The following TCF20 variants were observed in gnomAD, a reference collection of about 807,000 sequenced individuals.
The protein encoded by TCF20 is transcription factor 20, also known as SPRE-binding protein.
TCF20 carries 3 observed loss-of-function variants against 148.6 expected under a neutral mutation model. The observed-to-expected ratio is 0.02, with a 90% CI of 0.01 to 0.05. The LOEUF is 0.05. Ranked by LOEUF, TCF20 falls within the 10% of genes least tolerant of loss-of-function variation. The pLI is 1.00. For missense variants in TCF20, 2,350 were observed against 2,429.3 expected, an observed-to-expected ratio of 0.97 and a Z score of 0.69; for synonymous variants, 1,049 against 909.5, an observed-to-expected ratio of 1.15 and a Z score of -2.76.
chr22:42,284,419 C>T (rs1320631415), upstream of TCF20, among the ~76,000 whole-genome samples: 1 of 152,194 alleles, frequency 6.6e-6, no homozygotes, highest in African/African-American at 2.4e-5. Flanking sequence ...GGGATTTGCA[C>T]CCAGCACCTT....
chr22:42,165,520 G>C (rs189038773), intron 5 of TCF20, among the ~76,000 whole-genome samples: 1 of 152,370 alleles, frequency 6.6e-6, no homozygotes, highest in East Asian at 1.9e-4. Flanking sequence ...TTGGCACAAA[G>C]AGACAGTGGG....
At chr22:42,193,638 A>G (rs1336945345) in intron 2 of TCF20, among the ~76,000 whole-genome samples, 3 of 152,112 alleles carry the variant, frequency 2.0e-5, no homozygotes, top group Non-Finnish European at 4.4e-5. Context: ...CCAAGATTTA[A>G]GTGTCTATTG....
upstream of TCF20, among the ~76,000 whole-genome samples, chr22:42,271,341 T>G (rs988188594): frequency 6.6e-5 from 10 of 152,228 alleles, no homozygotes; most frequent in Admixed American, 6.5e-4. Context: ...GCTGCGGCAT[T>G]AAGAAGCTGC....
chr22:42,341,105 CAGG>C (rs1281181683), intron 1 of TCF20, among the ~76,000 whole-genome samples: 1 of 152,116 alleles, frequency 6.6e-6, no homozygotes. Context: ...CTGCTAGCAG[CAGG>C]AGGAGGCCGT....
intron 2 of TCF20, among the ~76,000 whole-genome samples, chr22:42,182,501 T>G (rs748539140): frequency 2.0e-5 from 3 of 152,140 alleles, no homozygotes; most frequent in Non-Finnish European, 4.4e-5. Flanking sequence ...GACGTGGAGC[T>G]TAGATCTGAA....
chr22:42,208,584 C>CAACAA lies in TCF20; in HGVS notation c.5655+1062_5655+1066dup, dbSNP rs534669206. On this transcript the variant is annotated intron_variant, in intron 2 of 5. Transcript: ENST00000677622. ...CACCACTGCATTCCAGCCTGAGTGACAACAAAACAAAACAAAACAAAACAA... is the reference window on the plus strand; with the variant it reads ...CACCACTGCATTCCAGCCTGAGTGACAACAAAACAAAACAAAACAAAACAAAACAA... Among the ~76,000 whole-genome samples the CAACAA allele has an allele frequency of 2.1e-3, 313 of 151,920 alleles. 2 individuals carry two copies. Among genetic ancestry groups the CAACAA allele is most frequent in the South Asian group, 8.3e-3 (40 of 4,810 alleles).
At chr22:42,225,815 C>G (rs1922836958) in intron 1 of TCF20, among the ~76,000 whole-genome samples, 1 of 152,030 alleles carries the variant, frequency 6.6e-6, no homozygotes, top group South Asian at 2.1e-4. Context: ...AAACCTGGTG[C>G]CAATGCCACA....
chr22:42,198,009 G>C (rs982659040), intron 2 of TCF20, among the ~76,000 whole-genome samples: 1 of 152,042 alleles, frequency 6.6e-6, no homozygotes, highest in Non-Finnish European at 1.5e-5. Flanking sequence ...TGACCTAGCA[G>C]TTCAACAGCC....
At chr22:42,325,493 G>T (rs1927858829) in intron 1 of TCF20, among the ~76,000 whole-genome samples, 1 of 152,222 alleles carries the variant, frequency 6.6e-6, no homozygotes, top group Non-Finnish European at 1.5e-5. Flanking sequence ...GCTGGCACCA[G>T]CCCAAGCAGT....
rs192849774 is a variant in TCF20, at chr22:42,292,289, G to A, written c.-37+51190C>T. Among the ~76,000 whole-genome samples the A allele has an allele frequency of 2.0e-5, 3 of 152,264 alleles. No homozygotes were observed. Among genetic ancestry groups the A allele is most frequent in the Admixed American group, 1.3e-4 (2 of 15,298 alleles). ...TTACAGTTCCCAGGGTTGGGCCTGC[G>A]TGTTCCGTGTCCTGATCCGCTGAGG... On this transcript the variant is annotated intron_variant, in intron 1 of 1. Coordinates refer to the TCF20 transcript ENST00000515426. This position sits in a 1 kb window ranked among gnomAD's most constrained non-coding sequence, Gnocchi z 4.9.
chr22:42,223,458 T>G (rs776155331), intron 1 of TCF20, among the ~76,000 whole-genome samples: 1 of 152,202 alleles, frequency 6.6e-6, no homozygotes, highest in Non-Finnish European at 1.5e-5. Flanking sequence ...ACTGTAGCTA[T>G]CAATTATTGC....
chr22:42,211,425 T>C lies in TCF20; in HGVS notation c.3881A>G (p.Lys1294Arg). The change falls in exon 2 of 6, where the codon AAA becomes AGA. Residue 1294 changes from lysine (K) to arginine (R), a missense_variant. Physicochemically the swap from Lys to Arg is conservative, Grantham distance 26. Around this residue, in one of 7 missense-constraint regions of TCF20, gnomAD observed 1,641 missense variants for 1,662.6 expected, o/e 0.99. Transcript: ENST00000677622. Reference sequence around the variant, plus strand: ...AAGATGGGCATAGGAATTGAATGCTTTATCAGCGCCTTCTTTTGATGAGTG... The same window carrying C: ...AAGATGGGCATAGGAATTGAATGCTCTATCAGCGCCTTCTTTTGATGAGTG... Reference protein sequence around the residue: ...LLHSSKEGADKAFNSYAHLSH... With the variant: ...LLHSSKEGADRAFNSYAHLSH... The C allele has an allele frequency of 6.2e-7, 1 of 1,614,174 alleles. No individual in the cohort carries two copies. The highest frequency in any genetic ancestry group is 8.5e-7 in the Non-Finnish European group (1 of 1,180,034).
chr22:42,327,684 G>A (rs1219176956), intron 1 of TCF20, among the ~76,000 whole-genome samples: 3 of 151,638 alleles, frequency 2.0e-5, no homozygotes, highest in Admixed American at 6.6e-5. Flanking sequence ...GAATGCAGAG[G>A]AAGAGGTGGA....
rs576142118 is a variant in TCF20, at chr22:42,178,884, C to A, written c.5749+725G>T. On this transcript the variant is annotated intron_variant, in intron 3 of 5. Coordinates refer to ENST00000677622, the MANE Select transcript of TCF20 (RefSeq NM_001378418.1). ...TAAAAAGATAAACAACCCAATTTTA[C>A]AATGGGCAAAGGATGTGAATAGCTA... 9.5e-4 allele frequency among the ~76,000 whole-genome samples: 145 copies of A among 151,956 alleles called. No individual in the cohort carries two copies. The Middle Eastern group carries it at 0.031, about 33-fold the overall frequency.
intron 1 of TCF20, among the ~76,000 whole-genome samples, chr22:42,223,617 G>A (rs2147254092): frequency 6.6e-6 from 1 of 152,308 alleles, no homozygotes; most frequent in African/African-American, 2.4e-5. Context: ...TAAACAATGA[G>A]ATAAGATATA....
At chr22:42,306,822 T>C (rs956861114) in intron 1 of TCF20, among the ~76,000 whole-genome samples, 3 of 152,022 alleles carry the variant, frequency 2.0e-5, no homozygotes, top group Non-Finnish European at 4.4e-5. Flanking sequence ...GCGGATCACC[T>C]GAGGTCAGGA....
chr22:42,290,924 G>C lies in TCF20; in HGVS notation c.-37+52555C>G, dbSNP rs1474597916. 6.6e-6 allele frequency among the ~76,000 whole-genome samples: 1 copy of C among 152,144 alleles called. No individual in the cohort carries two copies. Among genetic ancestry groups the C allele is most frequent in the Non-Finnish European group, 1.5e-5 (1 of 68,034 alleles). ...AAGCACCCCCTCTTACCTTACCTCG[G>C]TACAACCTCAGTACAACCATGAGAG... is the stretch of plus-strand genomic sequence containing the variant. On this transcript the variant is annotated intron_variant, in intron 1 of 1. Coordinates refer to the TCF20 transcript ENST00000515426. The surrounding 1 kb of genome is among the most constrained non-coding windows in gnomAD (Gnocchi z 4.2).
chr22:42,266,478 A>T (rs1926293664), intron 1 of TCF20, among the ~76,000 whole-genome samples: 1 of 152,210 alleles, frequency 6.6e-6, no homozygotes, highest in South Asian at 2.1e-4. Context: ...GAGTTTTAAA[A>T]AGTTGGCCAG....
chr22:42,223,357 C>T (rs1362722715), intron 1 of TCF20, among the ~76,000 whole-genome samples: 4 of 152,126 alleles, frequency 2.6e-5, no homozygotes, highest in African/African-American at 9.7e-5. Flanking sequence ...GCCCATAACC[C>T]TTTCTTTCAC....
Sources: allele counts gnomAD v4.1 joint callset (sites outside exome capture counted in the v4.1 genomes callset), GRCh38; gene constraint gnomAD v4.1.1; regional missense constraint gnomAD v4.1.1; non-coding constraint Gnocchi (gnomAD v3.1); transcripts MANE v1.5; gene names NCBI Gene and HGNC (gene_info 2026-07-23, HGNC 2026-07-21).